Variants in ZBTB16 observed in about 807,000 individuals in gnomAD.
ZBTB16 encodes zinc finger and BTB domain containing 16.
A neutral mutation model predicts 56.8 loss-of-function variants in ZBTB16; 8 were observed. The ratio of observed to expected loss-of-function variants is 0.14; its 90% CI spans 0.08 to 0.25. ZBTB16 has a LOEUF of 0.25. Among genes scored for constraint, ZBTB16 ranks in the 10% least tolerant of loss-of-function variants. The probability of loss-of-function intolerance (pLI) is 1.00; values close to 1 mark genes in which losing one functional copy is unlikely to be tolerated. For synonymous variants in ZBTB16, 363 were observed against 368.5 expected (o/e 0.98, Z 0.17); for missense variants, 625 against 903.0 (o/e 0.69, Z 3.95).
chr11:114,199,547 A>G (rs1205489978), intron 4 of ZBTB16, among the ~76,000 whole-genome samples: 1 of 152,210 alleles, frequency 6.6e-6, no homozygotes, highest in African/African-American at 2.4e-5. Context: ...TGGAGGCAGC[A>G]TGGTGTTTGG....
At chr11:114,108,031 C>T (rs1940859353) in intron 2 of ZBTB16, among the ~76,000 whole-genome samples, 1 of 151,698 alleles carries the variant, frequency 6.6e-6, no homozygotes, top group Admixed American at 6.6e-5. Context: ...ACTCAGGAAG[C>T]ATTGTAAAAG....
chr11:114,247,059 G>C, intron 5 of ZBTB16, 139 bp from the exon 6 acceptor site: 3 of 1,017,946 alleles, frequency 2.9e-6, no homozygotes, highest in Non-Finnish European at 4.5e-6. Flanking sequence ...ATGGAGGTGT[G>C]GCCGTGGATC....
chr11:114,100,450 C>G (rs1033700838), intron 2 of ZBTB16, among the ~76,000 whole-genome samples: 2 of 152,194 alleles, frequency 1.3e-5, no homozygotes, highest in Non-Finnish European at 2.9e-5. Flanking sequence ...ATGCCCCCTA[C>G]TCCCCAGTAA....
In ZBTB16 at chr11:114,151,400, A is replaced by G. The variant is rs114338193; in HGVS notation, c.1269-4937A>G. On this transcript the variant is annotated intron_variant, in intron 2 of 6. Transcript: ENST00000335953. ...AACATCGTCTTATAAATGCCCTTAC[A>G]GGATGGATTTCCCACTTTATTTTTC... is the stretch of plus-strand genomic sequence containing the variant. 6.9e-3 allele frequency among the ~76,000 whole-genome samples: 1,045 copies of G among 152,332 alleles called. 10 individuals carry two copies. The highest frequency in any genetic ancestry group is 0.025 in the African/African-American group (1,020 of 41,580).
At chr11:114,166,897 G>A (rs1942772570) in intron 3 of ZBTB16, among the ~76,000 whole-genome samples, 1 of 152,170 alleles carries the variant, frequency 6.6e-6, no homozygotes, top group Non-Finnish European at 1.5e-5. Flanking sequence ...TGACTTTGGA[G>A]GGGGCAGAAG....
At chr11:114,207,028 C>T (rs1943892305) in intron 4 of ZBTB16, among the ~76,000 whole-genome samples, 1 of 152,262 alleles carries the variant, frequency 6.6e-6, no homozygotes, top group African/African-American at 2.4e-5. Flanking sequence ...TGAACGACTG[C>T]CTCATTCCTG....
At chr11:114,233,657 C>A (rs1944503926) in intron 4 of ZBTB16, among the ~76,000 whole-genome samples, 1 of 150,752 alleles carries the variant, frequency 6.6e-6, no homozygotes, top group African/African-American at 2.4e-5. Flanking sequence ...CTTTTCTTGT[C>A]CCCCTCCCTC....
rs769544630 is a variant in ZBTB16 at position 114,064,617 on chromosome 11, C to A, written c.1268+49C>A. ...CCTGATGTAGGACTTGAGGCCCTCA[C>A]ACCCCTCCTTCACACCCTGGCTGCT... On this transcript the variant is annotated intron_variant, in intron 2 of 6. Coordinates refer to ENST00000335953, the MANE Select transcript of ZBTB16 (RefSeq NM_006006.6). This position sits in a 1 kb window ranked among gnomAD's most constrained non-coding sequence, Gnocchi z 4.2. 3 of 1,604,724 alleles carry A rather than the reference C, an allele frequency of 1.9e-6. No individual in the cohort carries two copies. The highest frequency in any genetic ancestry group is 2.5e-6 in the Non-Finnish European group (3 of 1,176,770).
At chr11:114,232,398 G>A (rs940558850) in intron 4 of ZBTB16, among the ~76,000 whole-genome samples, 2 of 152,170 alleles carry the variant, frequency 1.3e-5, no homozygotes, top group Non-Finnish European at 2.9e-5. Context: ...AGAACAAGCA[G>A]TGTAGAGAAA....
At chr11:114,165,616 G>C (rs941864139) in intron 3 of ZBTB16, among the ~76,000 whole-genome samples, 1 of 152,190 alleles carries the variant, frequency 6.6e-6, no homozygotes, top group South Asian at 2.1e-4. Flanking sequence ...TCAGTTTTGG[G>C]TGCTGTCTCT....
chr11:114,176,471 G>A (rs962360918), intron 3 of ZBTB16, among the ~76,000 whole-genome samples: 1 of 152,166 alleles, frequency 6.6e-6, no homozygotes, highest in Non-Finnish European at 1.5e-5. Flanking sequence ...TCTGGCTAAT[G>A]ATTCTCCCAA....
intron 6 of ZBTB16, among the ~76,000 whole-genome samples, chr11:114,249,274 C>T (rs923913674): frequency 6.6e-6 from 1 of 151,560 alleles, no homozygotes; most frequent in Non-Finnish European, 1.5e-5. Context: ...GCCCGGCCAA[C>T]ATGGTGAAAC....
At chr11:114,242,032 G>C in intron 4 of ZBTB16, 135 bp from the exon 5 acceptor site, 1 of 1,181,988 alleles carries the variant, frequency 8.5e-7, no homozygotes, top group South Asian at 1.3e-5. Context: ...GCATAGCCTG[G>C]GCCCACTCTG....
chr11:114,152,778 AGGTGCAAAAAT>A (rs1942309064), intron 2 of ZBTB16, among the ~76,000 whole-genome samples: 1 of 152,250 alleles, frequency 6.6e-6, no homozygotes, highest in Non-Finnish European at 1.5e-5. Context: ...GTGTGCAGAA[AGGTGCAAAAAT>A]GTCCCCAGAT....
At chr11:114,149,975 C>T (rs117388289) in intron 2 of ZBTB16, among the ~76,000 whole-genome samples, 1,560 of 152,272 alleles carry the variant, frequency 0.01, 12 homozygotes, top group Non-Finnish European at 0.015. Context: ...TTCTGGCTGC[C>T]TGGATCTGTG....
intron 2 of ZBTB16, among the ~76,000 whole-genome samples, chr11:114,083,090 C>G (rs1305084291): frequency 6.6e-6 from 1 of 152,224 alleles, no homozygotes; most frequent in Admixed American, 6.5e-5. Flanking sequence ...TTGGAAACGC[C>G]GTTCCAGGGC....
chr11:114,252,009 AGACCCTCCCC>A lies in ZBTB16; in HGVS notation c.*1456_*1465del, dbSNP rs1944926978. Among the ~76,000 whole-genome samples, 2 of 152,150 alleles carry A rather than the reference AGACCCTCCCC, an allele frequency of 1.3e-5. No individual in the cohort carries two copies. The highest frequency in any genetic ancestry group is 4.2e-4 in the South Asian group (2 of 4,818). ...TGTTTTTATAGACTTCAGCTGGTCAAGACCCTCCCCGTGCCCCTGGAGACCAGCCTCCCAG... is the reference window on the plus strand; with the variant it reads ...TGTTTTTATAGACTTCAGCTGGTCAAGTGCCCCTGGAGACCAGCCTCCCAG... On this transcript the variant is annotated 3_prime_UTR_variant, in exon 7 of 7. Transcript: ENST00000335953.
rs1258948594 is a variant in ZBTB16 at position 114,156,523 on chromosome 11, C to T, written c.1366+89C>T. The T allele has an allele frequency of 1.5e-5, 18 of 1,228,680 alleles. 1 individual carries two copies. The East Asian group carries it at 4.0e-4, about 27-fold the overall frequency. 76.1% of individuals were successfully genotyped at this position (1,228,680 alleles called of 1,614,324 possible). The stretch of plus-strand genomic sequence containing the variant: ...CCTCCTCAGAGCCTGCTGTGGCCTG[C>T]ATGTCCCCACTGCCCGCTGGGGCCC... On this transcript the variant is annotated intron_variant, in intron 3 of 6. Transcript: ENST00000335953.
At chr11:114,179,080 C>T (rs533088885) in intron 3 of ZBTB16, among the ~76,000 whole-genome samples, 2 of 152,328 alleles carry the variant, frequency 1.3e-5, no homozygotes, top group African/African-American at 4.8e-5. Context: ...GAGGATCTTT[C>T]CCCACAGCCT....
Sources: allele counts gnomAD v4.1 joint callset (sites outside exome capture counted in the v4.1 genomes callset), GRCh38; gene constraint gnomAD v4.1.1; non-coding constraint Gnocchi (gnomAD v3.1); transcripts MANE v1.5; gene names NCBI Gene and HGNC (gene_info 2026-07-23, HGNC 2026-07-21).